The following CNTNAP5 variants were observed in gnomAD, a reference collection of about 807,000 sequenced individuals.
CNTNAP5 encodes the protein contactin associated protein family member 5, also known as contactin-associated protein-like 5.
In CNTNAP5, 72 loss-of-function variants were observed where a neutral mutation model predicts 150.2. The ratio of observed to expected loss-of-function variants is 0.48; its 90% CI spans 0.40 to 0.58. The LOEUF is 0.58. CNTNAP5 is among the 20% of genes least tolerant of loss of function. CNTNAP5 has a pLI of 0.00. For missense variants in CNTNAP5, 1,636 were observed against 1,626.2 expected, an observed-to-expected ratio of 1.01 and a Z score of -0.10; for synonymous variants, 672 against 619.8, an observed-to-expected ratio of 1.08 and a Z score of -1.25.
intron 2 of CNTNAP5, among the ~76,000 whole-genome samples, chr2:124,234,830 T>A (rs1340418392): frequency 2.0e-5 from 3 of 152,168 alleles, no homozygotes; most frequent in Non-Finnish European, 4.4e-5. Flanking sequence ...ACTGAGCGTC[T>A]TTCAAAATAA....
intron 1 of CNTNAP5, among the ~76,000 whole-genome samples, chr2:124,079,328 C>T (rs1378387256): frequency 6.6e-6 from 1 of 152,300 alleles, no homozygotes; most frequent in East Asian, 1.9e-4. Flanking sequence ...ACGCCTCCTC[C>T]AAGAAAGCCC....
In CNTNAP5 at chr2:124,326,972, C is replaced by CTTTTTTTT. The variant is rs1192969997; in HGVS notation, c.381+84598_381+84605dup. Among the ~76,000 whole-genome samples, 2 of 68,534 alleles carry CTTTTTTTT rather than the reference C, an allele frequency of 2.9e-5. 1 individual carries two copies. Among genetic ancestry groups the CTTTTTTTT allele is most frequent in the African/African-American group, 1.2e-4 (2 of 16,948 alleles). The allele number at this position is 68,534 out of a possible 152,430, so 45.0% of individuals were successfully genotyped here. A position where few individuals can be genotyped will look rare whatever the true frequency, so the allele number is the denominator to read the frequency against. Reference sequence around the variant, plus strand: ...CCTGGGCGACGAGGTTAGATCCTGACTTTTTTTTTTTTTTTTTTTTTTTTT... The same window carrying CTTTTTTTT: ...CCTGGGCGACGAGGTTAGATCCTGACTTTTTTTTTTTTTTTTTTTTTTTTTTTTTTTTT... On this transcript the variant is annotated intron_variant, in intron 3 of 23. Coordinates refer to ENST00000682447, the MANE Select transcript of CNTNAP5 (RefSeq NM_001367498.1).
chr2:124,597,574 C>T (rs895015527), intron 11 of CNTNAP5, among the ~76,000 whole-genome samples: 4 of 151,332 alleles, frequency 2.6e-5, no homozygotes, highest in Admixed American at 6.6e-5. Context: ...CTGCCCTTAA[C>T]ATTTTTTTCC....
intron 1 of CNTNAP5, among the ~76,000 whole-genome samples, chr2:124,067,558 C>T (rs756054947): frequency 1.3e-5 from 2 of 152,166 alleles, no homozygotes; most frequent in African/African-American, 2.4e-5. Flanking sequence ...ATCTTGCAAT[C>T]GCATCTGCAA....
chr2:124,081,001 C>G (rs1164802751), intron 1 of CNTNAP5, among the ~76,000 whole-genome samples: 1 of 152,166 alleles, frequency 6.6e-6, no homozygotes, highest in Non-Finnish European at 1.5e-5. Flanking sequence ...TAAAACTTTA[C>G]AGTTGCAATC....
chr2:124,810,823 G>C (rs910587219), intron 19 of CNTNAP5, among the ~76,000 whole-genome samples: 3 of 152,076 alleles, frequency 2.0e-5, no homozygotes, highest in Non-Finnish European at 4.4e-5. Context: ...ACAATACACA[G>C]AGACATTTTT....
chr2:124,713,317 TC>T (rs1304639201), intron 13 of CNTNAP5, among the ~76,000 whole-genome samples: 1,168 of 76,504 alleles, frequency 0.015, 48 homozygotes, highest in Middle Eastern at 0.038. Context: ...TCTCTTTCTT[TC>T]CTTTCTTTCT....
intron 6 of CNTNAP5, among the ~76,000 whole-genome samples, chr2:124,464,247 C>G (rs1693322880): frequency 6.6e-6 from 1 of 152,002 alleles, no homozygotes; most frequent in South Asian, 2.1e-4. Flanking sequence ...AGCGCAGGCA[C>G]TTTCTAAATG....
At chr2:124,046,948 A>G (rs1446861727) in intron 1 of CNTNAP5, among the ~76,000 whole-genome samples, 1 of 152,186 alleles carries the variant, frequency 6.6e-6, no homozygotes, top group Non-Finnish European at 1.5e-5. Context: ...AAGGTCTCCA[A>G]TTGTAAGAAA....
intron 3 of CNTNAP5, among the ~76,000 whole-genome samples, chr2:124,345,830 C>A (rs1689724825): frequency 6.6e-6 from 1 of 152,124 alleles, no homozygotes; most frequent in African/African-American, 2.4e-5. Flanking sequence ...TCTTTCCCTC[C>A]CTCTTGCTTA....
intron 5 of CNTNAP5, among the ~76,000 whole-genome samples, chr2:124,445,296 C>A (rs1692786323): frequency 6.6e-6 from 1 of 151,860 alleles, no homozygotes. Context: ...TGGGGTTTCA[C>A]CACACTGGCC....
At position 124,696,168 on chromosome 2, in the gene CNTNAP5, G is replaced by C. The variant is rs1385285914; in HGVS notation, c.2077+48210G>C. On this transcript the variant is annotated intron_variant, in intron 13 of 23. Transcript: ENST00000682447. ...CAGAGGATCCAGACAATGATGGCTG[G>C]AATGATTCCTATTAAAAGTGAAGAA... Among the ~76,000 whole-genome samples, 7 of 152,134 alleles carry C rather than the reference G, an allele frequency of 4.6e-5. 1 individual carries two copies. The highest frequency in any genetic ancestry group is 4.6e-4 in the Admixed American group (7 of 15,270).
intron 13 of CNTNAP5, among the ~76,000 whole-genome samples, chr2:124,657,276 G>A (rs1678479664): frequency 6.6e-6 from 1 of 152,084 alleles, no homozygotes; most frequent in African/African-American, 2.4e-5. Flanking sequence ...TTAGGTCTAT[G>A]TTCCTCTCCC....
chr2:124,488,083 G>GA (rs1474667833), intron 7 of CNTNAP5, among the ~76,000 whole-genome samples: 4 of 152,036 alleles, frequency 2.6e-5, no homozygotes, highest in Non-Finnish European at 5.9e-5. Flanking sequence ...CATTATTCAT[G>GA]AAAAAATAAT....
chr2:124,171,843 C>A (rs1684941022), intron 1 of CNTNAP5, among the ~76,000 whole-genome samples: 1 of 152,174 alleles, frequency 6.6e-6, no homozygotes, highest in South Asian at 2.1e-4. Flanking sequence ...TACTATGACT[C>A]CCTTCCTCAC....
At chr2:124,463,017 G>T (rs1000603921) in intron 6 of CNTNAP5, among the ~76,000 whole-genome samples, 1 of 152,256 alleles carries the variant, frequency 6.6e-6, no homozygotes, top group Non-Finnish European at 1.5e-5. Flanking sequence ...TCATGTTCTG[G>T]AAGGCGGTGG....
At chr2:124,536,530 A>G (rs1186610911) in intron 10 of CNTNAP5, among the ~76,000 whole-genome samples, 2 of 152,126 alleles carry the variant, frequency 1.3e-5, no homozygotes, top group Admixed American at 6.5e-5. Context: ...CGTTTTCTAC[A>G]TAAGACAACC....
At chr2:124,581,768 C>G (rs962362553) in intron 11 of CNTNAP5, among the ~76,000 whole-genome samples, 1 of 152,122 alleles carries the variant, frequency 6.6e-6, no homozygotes, top group African/African-American at 2.4e-5. Context: ...AGGTGAAGCC[C>G]GTTGAGATCC....
At chr2:124,395,497 G>C (rs988639825) in intron 3 of CNTNAP5, among the ~76,000 whole-genome samples, 6 of 151,934 alleles carry the variant, frequency 3.9e-5, no homozygotes, top group African/African-American at 1.5e-4. Flanking sequence ...TATTCTCTCT[G>C]CTCTCCTGCT....
Sources: gnomAD v4.1 joint callset for allele counts (sites outside exome capture counted in the v4.1 genomes callset) on GRCh38, gnomAD v4.1.1 for gene constraint, MANE v1.5 for transcripts, NCBI Gene and HGNC (gene_info 2026-07-23, HGNC 2026-07-21) for gene names.